Variants in CUBN observed in about 807,000 individuals in gnomAD.
The protein encoded by CUBN is cubilin.
Under a neutral mutation model 405.3 loss-of-function variants are expected in CUBN, and 282 were observed. The observed-to-expected ratio is 0.70, with a 90% CI of 0.63 to 0.77. CUBN has a LOEUF of 0.77. Ranked by LOEUF, CUBN falls within the 30% of genes least tolerant of loss-of-function variation. The pLI, the probability that CUBN is intolerant of heterozygous loss-of-function variation, is 0.00. For synonymous variants in CUBN, 1,684 were observed against 1,617.0 expected (o/e 1.04, Z -0.99); for missense variants, 4,514 against 4,475.2 (o/e 1.01, Z -0.25).
intron 44 of CUBN, 88 bp downstream of exon 44, chr10:16,919,875 C>T (rs1841983714): frequency 3.7e-6 from 5 of 1,335,664 alleles, no homozygotes; most frequent in Non-Finnish European, 5.3e-6. Flanking sequence ...GCAGTATGTG[C>T]TACTGAAAGA....
chr10:17,126,123 C>G (rs748626860), intron 4 of CUBN, among the ~76,000 whole-genome samples: 1 of 152,074 alleles, frequency 6.6e-6, no homozygotes, highest in Non-Finnish European at 1.5e-5. Flanking sequence ...ACACTGGAAT[C>G]CCCAGATTTT....
At chr10:16,910,778 T>G (rs1326842092) in intron 48 of CUBN, among the ~76,000 whole-genome samples, 6 of 151,108 alleles carry the variant, frequency 4.0e-5, no homozygotes, top group African/African-American at 1.5e-4. Context: ...TATATTAATA[T>G]ATCAAACATA....
intron 26 of CUBN, 58 bp downstream of exon 26, chr10:17,043,769 T>C (rs538278169): frequency 4.5e-5 from 72 of 1,601,010 alleles, no homozygotes; most frequent in African/African-American, 9.4e-5. Flanking sequence ...CTTACTCTGC[T>C]GGTATTCACA....
rs140854170 is a variant in CUBN, at chr10:17,102,181, C to A, written c.1530+944G>T. 8.3e-3 allele frequency among the ~76,000 whole-genome samples: 1,269 copies of A among 152,238 alleles called. 14 individuals are homozygous for A. Among genetic ancestry groups the A allele is most frequent in the African/African-American group, 0.029 (1,211 of 41,556 alleles). On this transcript the variant is annotated intron_variant, in intron 13 of 66. Coordinates refer to ENST00000377833, the MANE Select transcript of CUBN (RefSeq NM_001081.4). ...GAAATTCAACTATTACAATTACAAG[C>A]TAAGAAGTGTTAACAAAAAATGTTT...
chr10:16,940,944 C>T (rs1048261645), intron 36 of CUBN, among the ~76,000 whole-genome samples: 1 of 152,144 alleles, frequency 6.6e-6, no homozygotes, highest in African/African-American at 2.4e-5. Flanking sequence ...CCCGCTGGTG[C>T]TTGAATGTGA....
intron 59 of CUBN, 97 bp downstream of exon 59, chr10:16,869,539 A>C: frequency 2.3e-6 from 2 of 883,404 alleles, no homozygotes; most frequent in Non-Finnish European, 3.6e-6. Flanking sequence ...AGGAAAAGCA[A>C]TCATAATCAG....
At chr10:17,097,130 C>A (rs1179083139) in intron 14 of CUBN, among the ~76,000 whole-genome samples, 1 of 151,858 alleles carries the variant, frequency 6.6e-6, no homozygotes, top group African/African-American at 2.4e-5. Context: ...TAAAAATCAA[C>A]AGAAAACATT....
Position 16,824,931 on chromosome 10 carries a change from T to C in CUBN, c.*44A>G, listed in dbSNP as rs777108267. The C allele has an allele frequency of 7.4e-7, 1 of 1,349,428 alleles. No homozygotes were observed. Among genetic ancestry groups the C allele is most frequent in the Non-Finnish European group, 1.1e-6 (1 of 939,968 alleles). The allele number at this position is 1,349,428 out of a possible 1,614,324, so 83.6% of individuals were successfully genotyped here. On this transcript the variant is annotated 3_prime_UTR_variant, in exon 67 of 67. Coordinates refer to ENST00000377833, the MANE Select transcript of CUBN (RefSeq NM_001081.4). ...CAGGATGGCAGAGTGCTGTCCAGCG[T>C]GCTGCAGAGGGAAAGTGCTGAGTGA...
intron 60 of CUBN, among the ~76,000 whole-genome samples, chr10:16,847,213 G>C (rs991492866): frequency 6.6e-6 from 1 of 152,198 alleles, no homozygotes; most frequent in African/African-American, 2.4e-5. Flanking sequence ...AGCACTTTGG[G>C]AGGCCGAGGC....
chr10:16,834,208 C>A (rs1839097779), intron 64 of CUBN, among the ~76,000 whole-genome samples: 1 of 152,196 alleles, frequency 6.6e-6, no homozygotes. Context: ...CTTATTCAGA[C>A]TATCTCCTGC....
At chr10:17,115,863 C>T (rs1021915587) in intron 6 of CUBN, among the ~76,000 whole-genome samples, 1 of 152,112 alleles carries the variant, frequency 6.6e-6, no homozygotes, top group Non-Finnish European at 1.5e-5. Context: ...GTTATCAGGT[C>T]ATCAAACAGC....
chr10:17,062,867 AAAGT>A (rs1835531946), intron 22 of CUBN, among the ~76,000 whole-genome samples: 1 of 152,252 alleles, frequency 6.6e-6, no homozygotes, highest in African/African-American at 2.4e-5. Context: ...TTAGAACAAT[AAAGT>A]AAGATGAGGG....
chr10:17,042,827 G>A, intron 26 of CUBN, among the ~76,000 whole-genome samples: 1 of 151,864 alleles, frequency 6.6e-6, no homozygotes, highest in East Asian at 1.9e-4. Flanking sequence ...TTAATTCAAG[G>A]GATATTGTGT....
At chr10:16,904,261 G>A (rs1485297336) in intron 50 of CUBN, 146 bp from the exon 51 acceptor site, 4 of 800,370 alleles carry the variant, frequency 5.0e-6, no homozygotes, top group Non-Finnish European at 8.4e-6. Context: ...ATATTTGTGT[G>A]TCTCTGTTAA....
In CUBN at chr10:16,920,112, A is replaced by G. The variant is rs1841993511; in HGVS notation, c.6672T>C (p.His2224=). ...SLACGGNVYI[H]DADSAGYVTS... ...TCACATACCCAGCAGAATCAGCATC[A>G]TGGATGTAGACGTTGCCCCCACAGG... The change falls in exon 44 of 67, where the codon CAT becomes CAC. Residue 2224 remains histidine, a synonymous_variant. Transcript: ENST00000377833. 6.2e-7 allele frequency: 1 copy of G among 1,614,050 alleles called. No individual in the cohort carries two copies.
chr10:17,076,750 A>G (rs1019530544), intron 17 of CUBN, among the ~76,000 whole-genome samples: 1 of 152,218 alleles, frequency 6.6e-6, no homozygotes, highest in African/African-American at 2.4e-5. Flanking sequence ...TCACTGCATA[A>G]TTCAACCATC....
intron 39 of CUBN, among the ~76,000 whole-genome samples, chr10:16,933,927 A>C (rs1406517241): frequency 6.6e-6 from 1 of 152,236 alleles, no homozygotes; most frequent in Non-Finnish European, 1.5e-5. Context: ...CAAAGACCCC[A>C]GGGACAGGGC....
Position 16,914,002 on chromosome 10 carries a change from G to A in CUBN, c.7352-10C>T. ...AGATCCCCACCACACTCTGACGTGG[G>A]GAAAAAGCCAAGAAAACTTTCAATC... On this transcript the variant is annotated splice_polypyrimidine_tract_variant and intron_variant, in intron 47 of 66. Transcript: ENST00000377833. 6.2e-7 allele frequency: 1 copy of A among 1,613,592 alleles called. No individual in the cohort carries two copies. Among genetic ancestry groups the A allele is most frequent in the Non-Finnish European group, 8.5e-7 (1 of 1,179,954 alleles).
intron 22 of CUBN, among the ~76,000 whole-genome samples, chr10:17,060,956 G>C (rs1835492946): frequency 6.6e-6 from 1 of 152,168 alleles, no homozygotes; most frequent in South Asian, 2.1e-4. Flanking sequence ...GGCTGAGGCA[G>C]GAGAATCACT....
Sources: allele counts gnomAD v4.1 joint callset (sites outside exome capture counted in the v4.1 genomes callset), GRCh38; gene constraint gnomAD v4.1.1; transcripts MANE v1.5; gene names NCBI Gene and HGNC (gene_info 2026-07-23, HGNC 2026-07-21).